CNTN5: variants seen among roughly 807,000 people sequenced by gnomAD.
CNTN5 encodes the protein contactin 5.
A neutral mutation model predicts 129.1 loss-of-function variants in CNTN5; 77 were observed. The observed-to-expected ratio is 0.60, with a 90% CI of 0.50 to 0.72. CNTN5 has a LOEUF of 0.72. Among genes scored for constraint, CNTN5 ranks in the 30% least tolerant of loss-of-function variants. The probability of loss-of-function intolerance (pLI) is 0.00; values close to 1 mark genes in which losing one functional copy is unlikely to be tolerated. For missense variants in CNTN5, 1,478 were observed against 1,328.8 expected (o/e 1.11, Z -1.75); for synonymous variants, 509 against 465.6 (o/e 1.09, Z -1.20).
At chr11:99,549,003 T>C (rs911676094) in intron 2 of CNTN5, among the ~76,000 whole-genome samples, 2 of 152,182 alleles carry the variant, frequency 1.3e-5, no homozygotes, top group Non-Finnish European at 1.5e-5. Flanking sequence ...ATTGTGTTTC[T>C]TTCTTCCATA....
intron 6 of CNTN5, among the ~76,000 whole-genome samples, chr11:99,864,056 C>T (rs182070312): frequency 2.6e-5 from 4 of 152,250 alleles, no homozygotes; most frequent in East Asian, 1.9e-4. Context: ...ATCCGGACTT[C>T]GCTCACGGAT....
chr11:99,640,825 T>C (rs1951743388), intron 3 of CNTN5, among the ~76,000 whole-genome samples: 1 of 152,208 alleles, frequency 6.6e-6, no homozygotes, highest in Non-Finnish European at 1.5e-5. Context: ...TCTCAGAATG[T>C]ATCCCCCTTG....
chr11:99,857,525 T>C (rs367899225), intron 6 of CNTN5, among the ~76,000 whole-genome samples: 5 of 152,308 alleles, frequency 3.3e-5, no homozygotes, highest in African/African-American at 1.2e-4. Context: ...AAATAGATGA[T>C]AGTCAAATAA....
chr11:99,478,954 A>T (rs1945484766), intron 2 of CNTN5, among the ~76,000 whole-genome samples: 1 of 152,088 alleles, frequency 6.6e-6, no homozygotes, highest in South Asian at 2.1e-4. Flanking sequence ...GTTTGTTTTA[A>T]ATTGTGTTTG....
chr11:99,082,188 C>CTTTT (rs747509458), intron 1 of CNTN5, among the ~76,000 whole-genome samples: 6 of 132,810 alleles, frequency 4.5e-5, no homozygotes, highest in South Asian at 2.5e-4. Flanking sequence ...TCTCCAAAAG[C>CTTTT]TTTTTTTTTT....
At chr11:99,636,024 T>A (rs1190912171) in intron 3 of CNTN5, among the ~76,000 whole-genome samples, 1 of 152,104 alleles carries the variant, frequency 6.6e-6, no homozygotes, top group African/African-American at 2.4e-5. Context: ...TTATTTTTAG[T>A]CTCTTGAATA....
At chr11:99,826,377 A>G (rs1034656795) in intron 4 of CNTN5, among the ~76,000 whole-genome samples, 8 of 152,184 alleles carry the variant, frequency 5.3e-5, no homozygotes, top group African/African-American at 1.7e-4. Context: ...GCCTTCTTTC[A>G]TCTTTGCAAG....
At chr11:100,069,823 T>C (rs1433854053) in intron 10 of CNTN5, among the ~76,000 whole-genome samples, 1 of 152,184 alleles carries the variant, frequency 6.6e-6, no homozygotes, top group Non-Finnish European at 1.5e-5. Flanking sequence ...GGAAATGAAC[T>C]TTAACTTGTA....
At chr11:99,144,597 A>T (rs1253578775) in intron 1 of CNTN5, among the ~76,000 whole-genome samples, 1 of 152,162 alleles carries the variant, frequency 6.6e-6, no homozygotes, top group African/African-American at 2.4e-5. Context: ...CCTATATGTC[A>T]CATAGGCTTT....
At chr11:99,155,033 G>A (rs566785756) in intron 1 of CNTN5, among the ~76,000 whole-genome samples, 1 of 152,084 alleles carries the variant, frequency 6.6e-6, no homozygotes, top group African/African-American at 2.4e-5. Flanking sequence ...GCCAACCCAA[G>A]TGTCTGTAGG....
chr11:99,081,336 CT>C (rs1865789428), intron 1 of CNTN5, among the ~76,000 whole-genome samples: 1 of 152,140 alleles, frequency 6.6e-6, no homozygotes. Flanking sequence ...AAGAAATATC[CT>C]TACTTCCATA....
rs1485840240 is a variant in CNTN5, at chr11:99,543,902, CAGAG to C, written c.-70-12238_-70-12235del. On this transcript the variant is annotated intron_variant, in intron 2 of 24. Transcript: ENST00000524871. ...CGCCATTGCACTCCAGCTTGGGTAA[CAGAG>C]AGAGTCTGTCTCAAAAAAACAAAAA... Among the ~76,000 whole-genome samples, 21 of 99,136 alleles carry C rather than the reference CAGAG, an allele frequency of 2.1e-4. 1 individual carries two copies. Among genetic ancestry groups the C allele is most frequent in the Admixed American group, 1.2e-3 (7 of 5,804 alleles). The allele number at this position is 99,136 out of a possible 152,430, so 65.0% of individuals were successfully genotyped here. A position where few individuals can be genotyped will look rare whatever the true frequency, so the allele number is the denominator to read the frequency against.
chr11:100,096,347 A>G (rs1945008997), intron 13 of CNTN5, among the ~76,000 whole-genome samples: 1 of 152,044 alleles, frequency 6.6e-6, no homozygotes, highest in African/African-American at 2.4e-5. Context: ...CGCGCTTTCA[A>G]TATGTTAAGT....
chr11:99,310,415 C>A lies in CNTN5; in HGVS notation c.-209-14931C>A, dbSNP rs187634457. ...AAAAACTTGATGCGTGATAAATTAT[C>A]AATAAAACACTCTTAAATATTGACA... On this transcript the variant is annotated intron_variant, in intron 1 of 24. Transcript: ENST00000524871. Among the ~76,000 whole-genome samples the A allele has an allele frequency of 5.4e-4, 81 of 151,254 alleles. No homozygotes were observed. The East Asian group carries it at 0.017, about 31-fold the overall frequency.
intron 3 of CNTN5, among the ~76,000 whole-genome samples, chr11:99,683,873 T>C (rs2134732880): frequency 6.6e-6 from 1 of 150,760 alleles, no homozygotes; most frequent in African/African-American, 2.5e-5. Context: ...TTTTGATACA[T>C]GTTTATACAC....
At chr11:99,161,492 C>T (rs1051216434) in intron 1 of CNTN5, among the ~76,000 whole-genome samples, 4 of 152,046 alleles carry the variant, frequency 2.6e-5, no homozygotes, top group East Asian at 1.9e-4. Context: ...TTAAAAGTCT[C>T]GGATGGGGAT....
chr11:99,350,857 AC>A (rs1938248348), intron 2 of CNTN5, among the ~76,000 whole-genome samples: 1 of 152,076 alleles, frequency 6.6e-6, no homozygotes, highest in Non-Finnish European at 1.5e-5. Context: ...TGTAGTGGGA[AC>A]TAAAGTGCTT....
chr11:100,083,707 T>TA (rs1271883104), intron 13 of CNTN5, among the ~76,000 whole-genome samples: 1 of 152,156 alleles, frequency 6.6e-6, no homozygotes, highest in Admixed American at 6.6e-5. Context: ...TTACATAGTA[T>TA]AACGATGATC....
chr11:99,472,432 G>A (rs1296688745), intron 2 of CNTN5, among the ~76,000 whole-genome samples: 2 of 151,972 alleles, frequency 1.3e-5, no homozygotes, highest in East Asian at 3.9e-4. Context: ...TTGTAAACTT[G>A]CCTCAAATCA....
Sources: allele counts gnomAD v4.1 joint callset (sites outside exome capture counted in the v4.1 genomes callset), GRCh38; gene constraint gnomAD v4.1.1; transcripts MANE v1.5; gene names NCBI Gene and HGNC (gene_info 2026-07-23, HGNC 2026-07-21).